Variants in COG4 observed in about 807,000 individuals in gnomAD.
COG4 encodes the protein component of oligomeric golgi complex 4, also known as conserved oligomeric Golgi complex subunit 4.
COG4 carries 65 observed loss-of-function variants against 95.1 expected under a neutral mutation model. That is an observed-to-expected ratio of 0.68 (90% CI 0.56 to 0.84). COG4 has a LOEUF of 0.84. Among genes scored for constraint, COG4 ranks in the 40% least tolerant of loss-of-function variants. The probability of loss-of-function intolerance (pLI) is 0.00; values close to 1 mark genes in which losing one functional copy is unlikely to be tolerated. For missense variants in COG4, 1,045 were observed against 989.1 expected (o/e 1.06, Z -0.76); for synonymous variants, 421 against 374.8 (o/e 1.12, Z -1.42).
chr16:70,508,295 T>C, intron 8 of COG4, 111 bp downstream of exon 8: 1 of 892,230 alleles, frequency 1.1e-6, no homozygotes, highest in Non-Finnish European at 1.9e-6. Flanking sequence ...TAAGAGTAAT[T>C]GATAAAATAT....
intron 12 of COG4, 147 bp from the exon 13 acceptor site, chr16:70,490,539 C>G: frequency 1.4e-6 from 1 of 724,510 alleles, no homozygotes; most frequent in East Asian, 2.6e-5. Flanking sequence ...ACCCACACTG[C>G]TACATCTGAG....
chr16:70,523,026 A>G (rs1241569114), intron 1 of COG4: 1 of 311,604 alleles, frequency 3.2e-6, no homozygotes, highest in Non-Finnish European at 6.1e-6. Context: ...AATTAAGCCA[A>G]TGCAAAAGGG....
chr16:70,505,143 CAT>C (rs1266876278), intron 8 of COG4, among the ~76,000 whole-genome samples: 3 of 151,298 alleles, frequency 2.0e-5, no homozygotes, highest in Non-Finnish European at 4.4e-5. Context: ...GTATCTGGCA[CAT>C]GTGTACTCAG....
intron 8 of COG4, among the ~76,000 whole-genome samples, chr16:70,505,745 C>T (rs1223509040): frequency 7.3e-5 from 11 of 151,662 alleles, no homozygotes; most frequent in African/African-American, 1.2e-4. Flanking sequence ...AGGAGAATGG[C>T]GTGAACCCGG....
At chr16:70,513,652 G>A (rs926464317) in intron 4 of COG4, among the ~76,000 whole-genome samples, 6 of 152,110 alleles carry the variant, frequency 3.9e-5, no homozygotes, top group African/African-American at 1.4e-4. Context: ...TTACTGTACT[G>A]TACTTACCCT....
At chr16:70,492,386 C>CAGTG (rs2049261895) in intron 12 of COG4, among the ~76,000 whole-genome samples, 1 of 152,130 alleles carries the variant, frequency 6.6e-6, no homozygotes, top group Non-Finnish European at 1.5e-5. Flanking sequence ...AGGCCAGGCG[C>CAGTG]AGTGGCTCAT....
At chr16:70,510,101 T>A (rs1426101497) in intron 5 of COG4, 80 bp from the exon 6 acceptor site, 3 of 1,167,578 alleles carry the variant, frequency 2.6e-6, no homozygotes, top group Non-Finnish European at 3.8e-6. Flanking sequence ...CCAAAAATCC[T>A]CCCATTGACT....
At chr16:70,481,660 T>C in intron 17 of COG4, 104 bp downstream of exon 17, 2 of 1,342,338 alleles carry the variant, frequency 1.5e-6, no homozygotes, top group Non-Finnish European at 2.1e-6. Context: ...ATGCAGGGCC[T>C]GTGGGCAGCA....
chr16:70,498,083 C>A (rs1404124520), intron 9 of COG4, 28 bp from the exon 10 acceptor site: 2 of 1,457,838 alleles, frequency 1.4e-6, no homozygotes, highest in South Asian at 1.1e-5. Flanking sequence ...AAGGAATACT[C>A]ATTTTTTTTC....
chr16:70,507,447 T>A (rs1168755629), intron 8 of COG4, among the ~76,000 whole-genome samples: 1 of 152,174 alleles, frequency 6.6e-6, no homozygotes, highest in Non-Finnish European at 1.5e-5. Context: ...TAATATGCCA[T>A]GCAGGTTTAT....
At chr16:70,484,897 C>A (rs139348412) in intron 13 of COG4, among the ~76,000 whole-genome samples, 1 of 152,002 alleles carries the variant, frequency 6.6e-6, no homozygotes, top group Admixed American at 6.6e-5. Flanking sequence ...AACAAAGTAC[C>A]TATTCTACTT....
intron 9 of COG4, among the ~76,000 whole-genome samples, chr16:70,500,354 C>T (rs2049422143): frequency 1.4e-5 from 2 of 139,694 alleles, no homozygotes; most frequent in South Asian, 4.5e-4. Flanking sequence ...GATTCCTGTA[C>T]ATTATATACT....
intron 13 of COG4, among the ~76,000 whole-genome samples, chr16:70,486,190 C>T (rs895461964): frequency 3.9e-5 from 6 of 152,208 alleles, no homozygotes; most frequent in East Asian, 1.9e-4. Flanking sequence ...CCACCGCGCC[C>T]AGCCCAGAAT....
At chr16:70,482,388 TA>T in intron 15 of COG4, 1 of 635,184 alleles carries the variant, frequency 1.6e-6, no homozygotes, top group Non-Finnish European at 2.8e-6. Flanking sequence ...CATAACATGG[TA>T]AAGTTCCTGG....
chr16:70,500,410 C>G (rs187123957), intron 9 of COG4, among the ~76,000 whole-genome samples: 1 of 142,490 alleles, frequency 7.0e-6, no homozygotes, highest in Admixed American at 7.0e-5. Flanking sequence ...GCTCTGTCAC[C>G]CAGGCTGGAG....
In COG4 at chr16:70,523,444, CGGA is replaced by C; in HGVS notation, c.97_99del (p.Ser33del). 6.2e-7 allele frequency: 1 copy of C among 1,614,096 alleles called. No homozygotes were observed. The highest frequency in any genetic ancestry group is 8.5e-7 in the Non-Finnish European group (1 of 1,180,006). On this transcript the variant is annotated inframe_deletion, in exon 1 of 19. Coordinates refer to ENST00000323786, the MANE Select transcript of COG4 (RefSeq NM_015386.3). ...TCTGTCAGGGAGCGAATGAGCTCAG[CGGA>C]GATTTCGGAGCAGCGGCCACCTCCC... is the stretch of plus-strand genomic sequence containing the variant.
At chr16:70,489,626 C>G (rs967756291) in intron 13 of COG4, among the ~76,000 whole-genome samples, 4 of 151,700 alleles carry the variant, frequency 2.6e-5, no homozygotes, top group Non-Finnish European at 5.9e-5. Context: ...ATCCTCCTGC[C>G]TTGGCCTCCC....
intron 5 of COG4, among the ~76,000 whole-genome samples, chr16:70,511,626 T>C (rs12102388): frequency 0.088 from 13,412 of 151,718 alleles, 1,917 homozygotes; most frequent in African/African-American, 0.3. Context: ...GGCAGGAGGA[T>C]TGCTTGAGCT....
intron 3 of COG4, among the ~76,000 whole-genome samples, chr16:70,516,419 C>G (rs887167871): frequency 1.3e-5 from 2 of 151,954 alleles, no homozygotes; most frequent in Non-Finnish European, 2.9e-5. Context: ...GCCTCAGACT[C>G]CTGAGTAGCT....
Sources: gnomAD v4.1 joint callset for allele counts (sites outside exome capture counted in the v4.1 genomes callset) on GRCh38, gnomAD v4.1.1 for gene constraint, MANE v1.5 for transcripts, NCBI Gene and HGNC (gene_info 2026-07-23, HGNC 2026-07-21) for gene names.